Variants in GUCD1 observed in about 807,000 individuals in gnomAD.
GUCD1 encodes the protein protein GUCD1.
A neutral mutation model predicts 28.3 loss-of-function variants in GUCD1; 17 were observed. The observed-to-expected ratio is 0.60, with a 90% CI of 0.41 to 0.90. GUCD1 has a LOEUF of 0.90. Ranked by LOEUF, GUCD1 falls within the 40% of genes least tolerant of loss-of-function variation. The probability of loss-of-function intolerance (pLI) is 0.00; values close to 1 mark genes in which losing one functional copy is unlikely to be tolerated. For missense variants in GUCD1, 279 were observed against 305.5 expected (o/e 0.91, Z 0.65); for synonymous variants, 129 against 123.3 (o/e 1.05, Z -0.30).
chr22:24,543,213 C>A, intron 5 of GUCD1, 116 bp from the exon 6 acceptor site: 1 of 738,656 alleles, frequency 1.4e-6, no homozygotes. Context: ...CATGGCCATT[C>A]CTCTCAACTC....
chr22:24,546,862 G>T, intron 4 of GUCD1, 52 bp downstream of exon 4: 2 of 1,485,796 alleles, frequency 1.3e-6, no homozygotes, highest in Non-Finnish European at 1.9e-6. Context: ...CTGCAGATCT[G>T]TGGGTGAGCA....
At chr22:24,554,375 T>C (rs570469504) in intron 1 of GUCD1, among the ~76,000 whole-genome samples, 25 of 152,336 alleles carry the variant, frequency 1.6e-4, no homozygotes, top group African/African-American at 5.3e-4. Flanking sequence ...TCTTCCACAG[T>C]TGGCACTTCA....
Position 24,546,659 on chromosome 22 carries a change from C to T in GUCD1, c.386+255G>A, listed in dbSNP as rs551024737. On this transcript the variant is annotated intron_variant, in intron 4 of 5. Transcript: ENST00000435822. ...AAGTAGCCCAAGGGCTGGGTGCAAT[C>T]TCTCTCACTCACCTATCCCTCCAGC... is the stretch of plus-strand genomic sequence containing the variant. 3.2e-4 allele frequency among the ~76,000 whole-genome samples: 48 copies of T among 152,352 alleles called. 3 individuals are homozygous for T. The South Asian group carries it at 9.5e-3, about 30-fold the overall frequency.
At chr22:24,553,162 T>C (rs80051910) in intron 1 of GUCD1, among the ~76,000 whole-genome samples, 3,446 of 152,272 alleles carry the variant, frequency 0.023, 136 homozygotes, top group African/African-American at 0.079. Context: ...TGCCTTTTTG[T>C]TTTTCTCTAC....
chr22:24,555,801 T>G (rs1331455967), upstream of GUCD1: 6 of 1,548,704 alleles, frequency 3.9e-6, no homozygotes, highest in South Asian at 7.1e-5. Flanking sequence ...CAAGGGTCGT[T>G]GCGGCGGCCC....
intron 3 of GUCD1, chr22:24,547,636 C>A (rs1224580064): frequency 2.3e-6 from 1 of 434,672 alleles, no homozygotes; most frequent in African/African-American, 2.0e-5. Context: ...GAAGTGGCCT[C>A]TGCACATTCT....
intron 3 of GUCD1, 161 bp from the exon 4 acceptor site, chr22:24,547,166 A>G (rs1298239824): frequency 6.4e-6 from 4 of 622,818 alleles, no homozygotes; most frequent in African/African-American, 3.6e-5. Flanking sequence ...CAGATCAGAA[A>G]GCTGTCTGTC....
rs768089859 is a variant in GUCD1, at chr22:24,547,979, T to A, written c.223A>T (p.Met75Leu). The A allele has an allele frequency of 6.2e-7, 1 of 1,614,142 alleles. No homozygotes were observed. Among genetic ancestry groups the A allele is most frequent in the East Asian group, 2.2e-5 (1 of 44,882 alleles). The change falls in exon 3 of 6, where the codon ATG becomes TTG. Residue 75 changes from methionine (M) to leucine (L), a missense_variant. Coordinates refer to ENST00000435822, the MANE Select transcript of GUCD1 (RefSeq NM_001284254.2). ...SIWTIDLAYL[M>L]HHFGVRHRFC... The stretch of plus-strand genomic sequence containing the variant: ...CGGTGCCTCACGCCAAAGTGGTGCA[T>A]CAGGTAGGCCAGGTCGATGGTCCAG...
intron 1 of GUCD1, among the ~76,000 whole-genome samples, chr22:24,554,451 A>G (rs2044974526): frequency 6.6e-6 from 1 of 152,222 alleles, no homozygotes; most frequent in Admixed American, 6.5e-5. Context: ...GACAGGAATC[A>G]CGTCTTCCCC....
intron 1 of GUCD1, among the ~76,000 whole-genome samples, chr22:24,554,669 A>T (rs2044983230): frequency 6.6e-6 from 1 of 152,182 alleles, no homozygotes; most frequent in African/African-American, 2.4e-5. Flanking sequence ...TCCCAGCCTC[A>T]GTCCTCCACG....
At position 24,548,025 on chromosome 22, in the gene GUCD1, CT is replaced by C; in HGVS notation, c.176del (p.Lys59SerfsTer4). 6.2e-7 allele frequency: 1 copy of C among 1,614,166 alleles called. No individual in the cohort carries two copies. Among genetic ancestry groups the C allele is most frequent in the Admixed American group, 1.7e-5 (1 of 60,026 alleles). ...TCCAGATGCTCCTGGTCAGCTGCAG[CT>C]TCTGCAGGGCTCTCTCAAACTCACT... ...DDSEFERALQ[K>X]LQLTRSIWTI... On this transcript the variant is annotated frameshift_variant, in exon 3 of 6. Coordinates refer to ENST00000435822, the MANE Select transcript of GUCD1 (RefSeq NM_001284254.2). LOFTEE classifies it high-confidence loss of function.
intron 1 of GUCD1, among the ~76,000 whole-genome samples, chr22:24,552,641 G>A (rs1601552472): frequency 6.6e-6 from 1 of 152,022 alleles, no homozygotes; most frequent in East Asian, 1.9e-4. Context: ...GCAGGGGCCA[G>A]AGCCTCTTAT....
chr22:24,544,783 G>T (rs752635781), intron 4 of GUCD1, among the ~76,000 whole-genome samples: 1 of 152,162 alleles, frequency 6.6e-6, no homozygotes. Context: ...AGGCCAAAGC[G>T]GAAGGATCGC....
At chr22:24,549,202 G>A (rs781497754) in intron 1 of GUCD1, among the ~76,000 whole-genome samples, 18 of 152,304 alleles carry the variant, frequency 1.2e-4, no homozygotes, top group South Asian at 4.1e-4. Context: ...GAGCAGGTCA[G>A]CCCAACTGAA....
Position 24,542,926 on chromosome 22 carries a change from G to T in GUCD1, c.*80C>A. 2 of 1,008,292 alleles carry T rather than the reference G, an allele frequency of 2.0e-6. No homozygotes were observed. The highest frequency in any genetic ancestry group is 1.6e-6 in the Non-Finnish European group (1 of 631,672). The allele number at this position is 1,008,292 out of a possible 1,614,324, so 62.5% of individuals were successfully genotyped here. A position where few individuals can be genotyped will look rare whatever the true frequency, so the allele number is the denominator to read the frequency against. ...CACATTCCAACCCCAGCAGCCCCAA[G>T]CCTGGGCCAGGGCATCCTGAGCGGG... On this transcript the variant is annotated 3_prime_UTR_variant, in exon 6 of 6. Transcript: ENST00000435822.
rs765456298 is a variant in GUCD1, at chr22:24,548,819, T to C, written c.128+98A>G. 8 of 891,158 alleles carry C rather than the reference T, an allele frequency of 9.0e-6. No homozygotes were observed. The South Asian group carries it at 1.1e-4, about 13-fold the overall frequency. 55.2% of individuals were successfully genotyped at this position (891,158 alleles called of 1,614,324 possible). ...GCCTCCTGCAAGCCCCAACCAAAGA[T>C]AGCTACATGGACCATGGATCCCACC... On this transcript the variant is annotated intron_variant, in intron 2 of 5. Coordinates refer to ENST00000435822, the MANE Select transcript of GUCD1 (RefSeq NM_001284254.2).
chr22:24,549,573 A>G (rs561673082), intron 1 of GUCD1, among the ~76,000 whole-genome samples: 2 of 151,928 alleles, frequency 1.3e-5, no homozygotes, highest in Non-Finnish European at 2.9e-5. Context: ...GTGCAGTGGC[A>G]TGATCTCGGC....
intron 3 of GUCD1, chr22:24,547,305 G>T: frequency 2.7e-6 from 1 of 366,998 alleles, no homozygotes. Flanking sequence ...CACTCTGGCA[G>T]GCATGAGCAG....
intron 4 of GUCD1, 116 bp downstream of exon 4, chr22:24,546,798 C>G (rs2044738784): frequency 1.1e-6 from 1 of 914,398 alleles, no homozygotes; most frequent in African/African-American, 1.6e-5. Context: ...GTAGCCAGTT[C>G]TGCCTGGCTC....
Sources: allele counts gnomAD v4.1 joint callset (sites outside exome capture counted in the v4.1 genomes callset), GRCh38; gene constraint gnomAD v4.1.1; transcripts MANE v1.5; gene names NCBI Gene and HGNC (gene_info 2026-07-23, HGNC 2026-07-21).